The following NRG1 variants were observed in gnomAD, a reference collection of about 807,000 sequenced individuals.
NRG1 encodes neuregulin 1, also known as pro-neuregulin-1, membrane-bound isoform.
In NRG1, 18 loss-of-function variants were observed where a neutral mutation model predicts 63.8. The ratio of observed to expected loss-of-function variants is 0.28; its 90% CI spans 0.19 to 0.42. The LOEUF (loss-of-function observed/expected upper bound fraction) is 0.42, where lower values mean the gene tolerates loss of function less well. NRG1 is among the 10% of genes least tolerant of loss of function. The probability of loss-of-function intolerance (pLI) is 1.00; values close to 1 mark genes in which losing one functional copy is unlikely to be tolerated. For missense variants in NRG1, 762 were observed against 814.7 expected (o/e 0.94, Z 0.79); for synonymous variants, 302 against 301.3 (o/e 1.00, Z -0.02).
chr8:32,016,223 TTTTG>T (rs904108254), intron 1 of NRG1, among the ~76,000 whole-genome samples: 4 of 152,134 alleles, frequency 2.6e-5, no homozygotes, highest in African/African-American at 7.2e-5. Flanking sequence ...CTGCAACTTC[TTTTG>T]TTTATTTTTA....
chr8:32,310,637 C>G (rs911948738), intron 1 of NRG1, among the ~76,000 whole-genome samples: 9 of 152,110 alleles, frequency 5.9e-5, no homozygotes, highest in Non-Finnish European at 1.3e-4. Flanking sequence ...CAGGAGAAGT[C>G]TAAGAATTAG....
intron 1 of NRG1, among the ~76,000 whole-genome samples, chr8:31,809,934 C>G (rs1436478014): frequency 2.0e-5 from 3 of 151,668 alleles, no homozygotes; most frequent in Non-Finnish European, 2.9e-5. Context: ...ACCTTCGACT[C>G]AGATGTCTGA....
At chr8:31,917,640 G>A (rs1251810917) in intron 1 of NRG1, among the ~76,000 whole-genome samples, 2 of 152,192 alleles carry the variant, frequency 1.3e-5, no homozygotes, top group Admixed American at 1.3e-4. Flanking sequence ...CAGGTAACGT[G>A]ATGCCTCCAG....
chr8:32,289,571 A>G (rs1440764393), intron 1 of NRG1, among the ~76,000 whole-genome samples: 1 of 152,230 alleles, frequency 6.6e-6, no homozygotes, highest in Admixed American at 6.5e-5. Context: ...TTTGTAAGTC[A>G]AGCAAATTTT....
At chr8:32,312,153 GTTTGTTTT>G (rs1488499989) in intron 1 of NRG1, among the ~76,000 whole-genome samples, 4 of 98,234 alleles carry the variant, frequency 4.1e-5, no homozygotes, top group Non-Finnish European at 8.0e-5. Context: ...ATTTGACCTT[GTTTGTTTT>G]TTTTTTTTTT....
At chr8:31,981,152 G>A (rs1029337125) in intron 1 of NRG1, among the ~76,000 whole-genome samples, 5 of 152,022 alleles carry the variant, frequency 3.3e-5, no homozygotes, top group African/African-American at 1.2e-4. Flanking sequence ...TACCATACCT[G>A]TGCCCAGGGA....
At chr8:31,896,363 CTT>C (rs1322518475) in intron 1 of NRG1, among the ~76,000 whole-genome samples, 1 of 152,226 alleles carries the variant, frequency 6.6e-6, no homozygotes, top group African/African-American at 2.4e-5. Flanking sequence ...AGTCCAAACT[CTT>C]TAACATGATA....
At position 32,292,398 on chromosome 8, in the gene NRG1, C is replaced by A. The variant is rs576354008; in HGVS notation, c.38-303430C>A. 2.0e-5 allele frequency among the ~76,000 whole-genome samples: 3 copies of A among 152,220 alleles called. No individual in the cohort carries two copies. The East Asian group carries it at 5.8e-4, about 29-fold the overall frequency. On this transcript the variant is annotated intron_variant, in intron 1 of 10. Coordinates refer to the NRG1 transcript ENST00000519301. ...TCTGTGGTTGGTGATATGAAGAAAA[C>A]CATATGTGATAGATTCTAAATATAT...
At chr8:32,092,328 G>A (rs1218877089) in intron 1 of NRG1, among the ~76,000 whole-genome samples, 1 of 151,762 alleles carries the variant, frequency 6.6e-6, no homozygotes, top group Non-Finnish European at 1.5e-5. Context: ...CTGGTGGTGT[G>A]TGCTTGTAGT....
intron 1 of NRG1, among the ~76,000 whole-genome samples, chr8:32,324,711 G>T (rs2129477079): frequency 6.6e-6 from 1 of 152,268 alleles, no homozygotes; most frequent in African/African-American, 2.4e-5. Flanking sequence ...AAATTTATCT[G>T]TAAATAGTTC....
At chr8:32,422,962 C>T (rs939079758) in intron 1 of NRG1, among the ~76,000 whole-genome samples, 3 of 152,242 alleles carry the variant, frequency 2.0e-5, no homozygotes, top group African/African-American at 7.2e-5. Flanking sequence ...CTCTCATTTA[C>T]ACTCTCCATG....
chr8:31,772,711 A>T (rs774584514), intron 1 of NRG1, among the ~76,000 whole-genome samples: 10 of 152,082 alleles, frequency 6.6e-5, no homozygotes, highest in Non-Finnish European at 4.4e-5. Flanking sequence ...TTCCTTCCTT[A>T]TTAGCAAAAT....
chr8:32,200,863 G>A (rs1196417508), intron 1 of NRG1, among the ~76,000 whole-genome samples: 1 of 152,058 alleles, frequency 6.6e-6, no homozygotes, highest in Admixed American at 6.6e-5. Context: ...ATTCCTTCAG[G>A]GGTAAAATCT....
chr8:32,498,645 C>T (rs1827503140), intron 1 of NRG1, among the ~76,000 whole-genome samples: 1 of 152,144 alleles, frequency 6.6e-6, no homozygotes. Flanking sequence ...ATTATGGGGA[C>T]TACAATTCAA....
chr8:32,195,276 C>G (rs958079040), intron 1 of NRG1, among the ~76,000 whole-genome samples: 1 of 151,872 alleles, frequency 6.6e-6, no homozygotes, highest in Non-Finnish European at 1.5e-5. Flanking sequence ...TCTACAAAAA[C>G]TATATTAAAA....
At chr8:31,676,322 C>A (rs1807692861) in intron 1 of NRG1, among the ~76,000 whole-genome samples, 1 of 152,152 alleles carries the variant, frequency 6.6e-6, no homozygotes, top group African/African-American at 2.4e-5. Context: ...AAAGACCCAA[C>A]AATATTTCCA....
chr8:31,755,310 G>T (rs1210488216), intron 1 of NRG1, among the ~76,000 whole-genome samples: 1 of 152,014 alleles, frequency 6.6e-6, no homozygotes, highest in African/African-American at 2.4e-5. Context: ...ATAACGTCTT[G>T]CTAATCACCC....
In NRG1 at chr8:31,927,362, G is replaced by A. The variant is rs145401432; in HGVS notation, c.37+287931G>A. ...TTCTGAATCAGTAGTTCTTGGATGGGGCCCAGAAATCTGAATTTTTTTTTC... is the reference window on the plus strand; with the variant it reads ...TTCTGAATCAGTAGTTCTTGGATGGAGCCCAGAAATCTGAATTTTTTTTTC... On this transcript the variant is annotated intron_variant, in intron 1 of 10. Coordinates refer to the NRG1 transcript ENST00000519301. 6.9e-3 allele frequency among the ~76,000 whole-genome samples: 1,052 copies of A among 151,922 alleles called. 14 individuals are homozygous for A. The highest frequency in any genetic ancestry group is 0.024 in the African/African-American group (1,002 of 41,460).
intron 5 of NRG1, among the ~76,000 whole-genome samples, chr8:32,718,854 T>C (rs966922705): frequency 6.6e-6 from 1 of 152,214 alleles, no homozygotes; most frequent in Non-Finnish European, 1.5e-5. Context: ...ACCTAACTGA[T>C]TGATATTTTC....
Sources: allele counts gnomAD v4.1 joint callset (sites outside exome capture counted in the v4.1 genomes callset), GRCh38; gene constraint gnomAD v4.1.1; transcripts MANE v1.5; gene names NCBI Gene and HGNC (gene_info 2026-07-23, HGNC 2026-07-21).